Variants in CES2 observed in about 807,000 individuals in gnomAD.
CES2 encodes the protein cocaine esterase.
Under a neutral mutation model 52.1 loss-of-function variants are expected in CES2, and 42 were observed. That is an observed-to-expected ratio of 0.81 (90% CI 0.63 to 1.04). The LOEUF (loss-of-function observed/expected upper bound fraction) is 1.04, where lower values mean the gene tolerates loss of function less well. Among genes scored for constraint, CES2 ranks in the 50% least tolerant of loss-of-function variants. The pLI is 0.00. For synonymous variants in CES2, 277 were observed against 289.6 expected (o/e 0.96, Z 0.44); for missense variants, 656 against 724.3 (o/e 0.91, Z 1.08).
upstream of CES2, chr16:66,934,657 C>T (rs935441087): frequency 2.4e-6 from 1 of 416,562 alleles, no homozygotes; most frequent in Non-Finnish European, 4.3e-6. The surrounding 1 kb of genome is among the most constrained non-coding windows in gnomAD (Gnocchi z 4.1). Flanking sequence ...TCTCAGGGGG[C>T]ACTAAAGGCG....
At chr16:66,936,770 C>T (rs1963227895) in intron 1 of CES2, among the ~76,000 whole-genome samples, 1 of 152,118 alleles carries the variant, frequency 6.6e-6, no homozygotes. Context: ...GTCCATACTC[C>T]CCCCGCCCCA....
In CES2 at chr16:66,943,862, C is replaced by T; in HGVS notation, c.1517C>T (p.Pro506Leu). 1 of 1,603,162 alleles carries T rather than the reference C, an allele frequency of 6.2e-7. No homozygotes were observed. Among genetic ancestry groups the T allele is most frequent in the Non-Finnish European group, 8.5e-7 (1 of 1,172,392 alleles). The change falls in exon 12 of 12, where the codon CCA becomes CTA. Residue 506 changes from proline to leucine, a missense_variant. Physicochemically the swap from Pro to Leu is moderately conservative, Grantham distance 98 (BLOSUM62 -3). Transcript: ENST00000317091. The surrounding 1 kb of genome is among the most constrained non-coding windows in gnomAD (Gnocchi z 4.2). ...AGGAACCCCAATGGCGAGGGTCTGC[C>T]ACACTGGCCGCTGTTCGACCAGGAG... ...RNGNPNGEGL[P>L]HWPLFDQEEQ... is the part of the protein sequence containing the mutation.
chr16:66,940,381 C>T (rs377418721), intron 4 of CES2, 26 bp downstream of exon 4: 2 of 1,614,134 alleles, frequency 1.2e-6, no homozygotes, highest in South Asian at 2.2e-5. Flanking sequence ...GGCTGGGCAA[C>T]CCGGGCTGAG....
At position 66,941,638 on chromosome 16, in the gene CES2, A is replaced by G. The variant is rs2145507665; in HGVS notation, c.1048A>G (p.Ile350Val). 6.2e-7 allele frequency: 1 copy of G among 1,614,030 alleles called. No homozygotes were observed. The highest frequency in any genetic ancestry group is 8.5e-7 in the Non-Finnish European group (1 of 1,179,948). ...GVNNNEFGWL[I>V]PKVMRIYDTQ... The stretch of plus-strand genomic sequence containing the variant: ...CAACAACAATGAATTCGGCTGGCTC[A>G]TCCCCAAGGTGAGCCCCAACCCAAG... The change falls in exon 7 of 12, where the codon ATC (isoleucine) becomes GTC (valine). Residue 350 changes from isoleucine (I) to valine (V), a missense_variant. Transcript: ENST00000317091.
chr16:66,940,211 G>A lies in CES2; in HGVS notation c.424-11G>A. ...GTGGGAGCATCATGGTAGCTGCCTT[G>A]ATTTCCCCAGGTGATGGTGTGGATC... On this transcript the variant is annotated splice_polypyrimidine_tract_variant and intron_variant, in intron 3 of 11. Transcript: ENST00000317091. 1 of 1,613,426 alleles carries A rather than the reference G, an allele frequency of 6.2e-7. No homozygotes were observed. Among genetic ancestry groups the A allele is most frequent in the Non-Finnish European group, 8.5e-7 (1 of 1,179,684 alleles).
Position 66,941,663 on chromosome 16 carries a change from G to A in CES2, c.1056+17G>A, listed in dbSNP as rs771629027. On this transcript the variant is annotated intron_variant, in intron 7 of 11. Transcript: ENST00000317091. ...ATCCCCAAGGTGAGCCCCAACCCAA[G>A]CCCACAAGTGCCTGGGGAGCCCATC... The A allele has an allele frequency of 6.2e-7, 1 of 1,613,456 alleles. No individual in the cohort carries two copies. Among genetic ancestry groups the A allele is most frequent in the South Asian group, 1.1e-5 (1 of 91,046 alleles).
chr16:66,942,931 G>A, intron 10 of CES2, 146 bp downstream of exon 10: 2 of 1,395,636 alleles, frequency 1.4e-6, no homozygotes, highest in South Asian at 1.4e-5. Flanking sequence ...AGCTCCAAAA[G>A]CTGCACCAGG....
At chr16:66,942,545 C>A (rs1963391884) in intron 9 of CES2, 103 bp from the exon 10 acceptor site, 1 of 1,342,244 alleles carries the variant, frequency 7.5e-7, no homozygotes, top group African/African-American at 1.5e-5. Flanking sequence ...ACCCCATTGT[C>A]CAGATTCCAG....
chr16:66,934,666 C>A (rs996046182), upstream of CES2: 2 of 381,386 alleles, frequency 5.2e-6, no homozygotes, highest in African/African-American at 2.1e-5. This position sits in a 1 kb window ranked among gnomAD's most constrained non-coding sequence, Gnocchi z 4.1. Flanking sequence ...GCACTAAAGG[C>A]GGTCGGAGGT....
At chr16:66,940,814 C>T in intron 5 of CES2, 119 bp downstream of exon 5, 1 of 1,324,296 alleles carries the variant, frequency 7.6e-7, no homozygotes, top group Non-Finnish European at 1.0e-6. Flanking sequence ...GAGCTGCTGC[C>T]TACCGTGGAA....
chr16:66,935,755 G>A (rs1392200738), intron 1 of CES2, 44 bp downstream of exon 1: 1 of 1,598,256 alleles, frequency 6.3e-7, no homozygotes, highest in African/African-American at 1.3e-5. Flanking sequence ...GCTCAGATCT[G>A]CCAAATGCTG....
intron 1 of CES2, among the ~76,000 whole-genome samples, chr16:66,936,416 C>T (rs1168398022): frequency 3.3e-5 from 5 of 152,098 alleles, no homozygotes; most frequent in African/African-American, 4.8e-5. Flanking sequence ...GTCCCAGCTA[C>T]TTGGGAGGCT....
upstream of CES2, chr16:66,934,636 C>T (rs1464154075): frequency 1.0e-5 from 5 of 501,860 alleles, no homozygotes; most frequent in African/African-American, 2.0e-5. The surrounding 1 kb of genome is among the most constrained non-coding windows in gnomAD (Gnocchi z 4.1). Flanking sequence ...AACGTAGAGG[C>T]CAGAACCAGG....
At chr16:66,935,978 T>C in intron 1 of CES2, 2 of 1,392,912 alleles carry the variant, frequency 1.4e-6, no homozygotes, top group South Asian at 3.0e-5. Context: ...CCAGGCCGGG[T>C]AGGCAGCCTG....
rs28382815 is a variant in CES2 at position 66,938,174 on chromosome 16, C to T, written c.214C>T (p.Arg72Ter). 109 of 1,614,016 alleles carry T rather than the reference C, an allele frequency of 6.8e-5. No individual in the cohort carries two copies. In the Admixed American group the frequency reaches 1.1e-3, roughly 16 times the overall value. The stretch of plus-strand genomic sequence containing the variant: ...TGCCAAGCCACCTCTAGGTCCGCTG[C>T]GATTTGCACCCCCTGAGCCCCCTGA... ...PFAKPPLGPL[R>*]FAPPEPPESW... The change falls in exon 2 of 12, where the codon CGA (arginine) becomes TGA (stop). Residue 72 changes from arginine to a stop codon, truncating the protein, a stop_gained. Coordinates refer to ENST00000317091, the MANE Select transcript of CES2 (RefSeq NM_001365405.1). LOFTEE classifies it high-confidence loss of function.
chr16:66,938,001 C>G, intron 1 of CES2, 36 bp from the exon 2 acceptor site: 1 of 1,591,930 alleles, frequency 6.3e-7, no homozygotes, highest in Non-Finnish European at 8.6e-7. Context: ...GTCGATTGGT[C>G]AAACCCAACC....
At chr16:66,942,356 C>T (rs1963388504) in intron 9 of CES2, 107 bp downstream of exon 9, 14 of 1,192,672 alleles carry the variant, frequency 1.2e-5, no homozygotes, top group African/African-American at 3.1e-5. Flanking sequence ...TATTGGGCTC[C>T]GGGGACACTT....
rs776431043 is a variant in CES2 at position 66,938,210 on chromosome 16, G to A, written c.250G>A (p.Gly84Ser). 6 of 1,614,124 alleles carry A rather than the reference G, an allele frequency of 3.7e-6. No homozygotes were observed. Among genetic ancestry groups the A allele is most frequent in the Non-Finnish European group, 5.1e-6 (6 of 1,179,984 alleles). ...CCCTGAGCCCCCTGAATCTTGGAGTGGTGTGAGGGATGGAACCACCCATCC... is the reference window on the plus strand; with the variant it reads ...CCCTGAGCCCCCTGAATCTTGGAGTAGTGTGAGGGATGGAACCACCCATCC... ...APPEPPESWS[G>S]VRDGTTHPAM... The change falls in exon 2 of 12, where the codon GGT becomes AGT. Residue 84 changes from glycine to serine, a missense_variant. By Grantham distance (56) the Gly-to-Ser change is moderately conservative (BLOSUM62 0). Coordinates refer to ENST00000317091, the MANE Select transcript of CES2 (RefSeq NM_001365405.1).
rs567320786 is a variant in CES2, at chr16:66,944,836, C to T, written c.*811C>T. Reference sequence around the variant, plus strand: ...GGGTCCTCTCTTGCTAGACACACTCCATAGATCCCCCCACTGAGCTGTGGA... The same window carrying T: ...GGGTCCTCTCTTGCTAGACACACTCTATAGATCCCCCCACTGAGCTGTGGA... On this transcript the variant is annotated 3_prime_UTR_variant, in exon 12 of 12. Transcript: ENST00000317091. 6.6e-6 allele frequency: 1 copy of T among 152,442 alleles called. No individual in the cohort carries two copies. The highest frequency in any genetic ancestry group is 2.1e-4 in the South Asian group (1 of 4,826). The allele number at this position is 152,442 out of a possible 1,614,324, so 9.4% of individuals were successfully genotyped here. A position where few individuals can be genotyped will look rare whatever the true frequency, so the allele number is the denominator to read the frequency against.
Sources: allele counts gnomAD v4.1 joint callset (sites outside exome capture counted in the v4.1 genomes callset), GRCh38; gene constraint gnomAD v4.1.1; non-coding constraint Gnocchi (gnomAD v3.1); transcripts MANE v1.5; gene names NCBI Gene and HGNC (gene_info 2026-07-23, HGNC 2026-07-21).